MLXIPL: variants seen among roughly 807,000 people sequenced by gnomAD.
The protein encoded by MLXIPL is MLX interacting protein like.
MLXIPL carries 49 observed loss-of-function variants against 81.5 expected under a neutral mutation model. The observed-to-expected ratio is 0.60, with a 90% CI of 0.48 to 0.76. MLXIPL has a LOEUF of 0.76. Among genes scored for constraint, MLXIPL ranks in the 30% least tolerant of loss-of-function variants. The pLI is 0.00. For missense variants in MLXIPL, 1,053 were observed against 1,167.0 expected (o/e 0.90, Z 1.42); for synonymous variants, 466 against 485.5 (o/e 0.96, Z 0.53).
chr7:73,635,659 C>G, the MLXIPL span, among the ~76,000 whole-genome samples: 1 of 151,774 alleles, frequency 6.6e-6, no homozygotes, highest in Admixed American at 6.6e-5. Flanking sequence ...TCCATCTCTT[C>G]TATCTATCCA....
upstream of MLXIPL, among the ~76,000 whole-genome samples, chr7:73,627,976 T>G (rs201263620): frequency 1.6e-5 from 2 of 121,724 alleles, no homozygotes; most frequent in African/African-American, 2.8e-5. Flanking sequence ...CTCAGTGCTT[T>G]CTTTCTTTCT....
the MLXIPL span, among the ~76,000 whole-genome samples, chr7:73,631,031 C>T: frequency 2.0e-3 from 292 of 148,376 alleles, 1 homozygote; most frequent in East Asian, 0.021. Flanking sequence ...TTTTTTGAGA[C>T]GGAGTCTTGC....
At chr7:73,643,769 C>G in the MLXIPL span, among the ~76,000 whole-genome samples, 2 of 152,058 alleles carry the variant, frequency 1.3e-5, no homozygotes, top group Non-Finnish European at 2.9e-5. Flanking sequence ...ATAGTAGACA[C>G]TTTATTTTAT....
At chr7:73,624,530 G>T (rs1319479260), upstream of MLXIPL, 3 of 1,503,430 alleles carry the variant, frequency 2.0e-6, no homozygotes, top group African/African-American at 1.4e-5. Flanking sequence ...CCTGCTCCGC[G>T]CAGCGCGGGG....
chr7:73,641,309 G>T, the MLXIPL span, among the ~76,000 whole-genome samples: 1 of 152,080 alleles, frequency 6.6e-6, no homozygotes, highest in Admixed American at 6.6e-5. Flanking sequence ...GGCTCACTGG[G>T]GACCCATGGA....
chr7:73,605,466 C>T lies in MLXIPL; in HGVS notation c.901+222G>A, dbSNP rs150938264. Among the ~76,000 whole-genome samples the T allele has an allele frequency of 4.6e-5, 7 of 152,136 alleles. No homozygotes were observed. The East Asian group carries it at 9.7e-4, about 21-fold the overall frequency. ...GTCCCAGCTACTCAGGAGGCTGAGG[C>T]GGGAGGATCACTTGAGTCTGGAGGG... On this transcript the variant is annotated intron_variant, in intron 7 of 16. Coordinates refer to ENST00000313375, the MANE Select transcript of MLXIPL (RefSeq NM_032951.3).
chr7:73,611,821 A>AAAAAAT (rs1563501530), intron 2 of MLXIPL, among the ~76,000 whole-genome samples: 1 of 151,926 alleles, frequency 6.6e-6, no homozygotes, highest in East Asian at 1.9e-4. Context: ...CTCAAAAAAA[A>AAAAAAT]AAAAATAAAA....
chr7:73,616,624 G>A (rs1554600827), intron 1 of MLXIPL, among the ~76,000 whole-genome samples: 3 of 152,102 alleles, frequency 2.0e-5, no homozygotes, highest in Non-Finnish European at 4.4e-5. Flanking sequence ...AAGGCGGGTG[G>A]ATCGCCTGAG....
chr7:73,593,961 C>A lies in MLXIPL; in HGVS notation c.2463G>T (p.Gln821His). ...LRPTVLNSLR[Q>H]LGTSTSILTD... is the part of the protein sequence containing the mutation. ...TCAGGATACTGGTAGATGTGCCCAG[C>A]TGGCGTAGGGAGTTCAGGACAGCTG... The change falls in exon 17 of 17, where the codon CAG (glutamine) becomes CAT (histidine). Residue 821 changes from glutamine (Q) to histidine (H), a missense_variant. Transcript: ENST00000313375. 2 of 1,614,078 alleles carry A rather than the reference C, an allele frequency of 1.2e-6. No homozygotes were observed. The highest frequency in any genetic ancestry group is 1.7e-6 in the Non-Finnish European group (2 of 1,180,014).
chr7:73,624,884 C>T (rs1796644130), upstream of MLXIPL, among the ~76,000 whole-genome samples: 1 of 151,970 alleles, frequency 6.6e-6, no homozygotes, highest in Non-Finnish European at 1.5e-5. Context: ...ATGGCAAGAC[C>T]CCCATCTCTA....
At chr7:73,606,843 G>A (rs1795320185) in intron 5 of MLXIPL, 131 bp downstream of exon 5, 2 of 1,016,700 alleles carry the variant, frequency 2.0e-6, no homozygotes, top group South Asian at 2.8e-5. Flanking sequence ...CAGGATGGCA[G>A]TAACATCCCA....
the MLXIPL span, among the ~76,000 whole-genome samples, chr7:73,630,916 G>A: frequency 6.6e-6 from 1 of 152,276 alleles, no homozygotes; most frequent in African/African-American, 2.4e-5. Context: ...ATTCGTGGCA[G>A]CACTGATCTT....
At chr7:73,647,530 A>G in the MLXIPL span, among the ~76,000 whole-genome samples, 1 of 152,178 alleles carries the variant, frequency 6.6e-6, no homozygotes, top group South Asian at 2.1e-4. Context: ...ACCTTCTAGC[A>G]GGATGAATTC....
At chr7:73,630,408 T>G in the MLXIPL span, among the ~76,000 whole-genome samples, 1 of 145,802 alleles carries the variant, frequency 6.9e-6, no homozygotes, top group Non-Finnish European at 1.5e-5. Context: ...TCCTCCCACC[T>G]AAACCTCCCG....
intron 7 of MLXIPL, among the ~76,000 whole-genome samples, chr7:73,602,070 A>ACCTGCCTGCCTGCCTT (rs1554596449): frequency 1.1e-5 from 1 of 87,242 alleles, no homozygotes; most frequent in African/African-American, 3.9e-5. Context: ...CTTGCTGTCC[A>ACCTGCCTGCCTGCCTT]CCTGCCTGCC....
At position 73,596,999 on chromosome 7, in the gene MLXIPL, C is replaced by T; in HGVS notation, c.1604-67G>A. The stretch of plus-strand genomic sequence containing the variant: ...CCCCCGGCATCTATCAAGACCCCAT[C>T]CTGCCCCTCCCAAGAGTCCACACCC... On this transcript the variant is annotated intron_variant, in intron 9 of 16. Coordinates refer to ENST00000313375, the MANE Select transcript of MLXIPL (RefSeq NM_032951.3). The surrounding 1 kb of genome is among the most constrained non-coding windows in gnomAD (Gnocchi z 4.7). The T allele has an allele frequency of 6.4e-7, 1 of 1,551,678 alleles. No individual in the cohort carries two copies. The highest frequency in any genetic ancestry group is 1.4e-5 in the African/African-American group (1 of 74,002).
At chr7:73,598,057 A>G (rs1584081169) in intron 8 of MLXIPL, among the ~76,000 whole-genome samples, 1 of 151,776 alleles carries the variant, frequency 6.6e-6, no homozygotes, top group South Asian at 2.1e-4. Flanking sequence ...TCACCCATCC[A>G]TTCATCATCC....
At position 73,624,285 on chromosome 7, in the gene MLXIPL, C is replaced by G; in HGVS notation, c.208G>C (p.Gly70Arg). Reference protein sequence around the residue: ...DSLPRRRDQEGSVGPSDFGPR... With the variant: ...DSLPRRRDQERSVGPSDFGPR... ...CCGAAGTCGGAGGGCCCCACGGACC[C>G]CTCCTGGTCGCGCCGCCGGGGCAGC... Residue 70 changes from glycine (G) to arginine (R), a missense_variant, in exon 1 of 17, where the codon GGG becomes CGG. Coordinates refer to ENST00000313375, the MANE Select transcript of MLXIPL (RefSeq NM_032951.3). 6.3e-7 allele frequency: 1 copy of G among 1,588,054 alleles called. No homozygotes were observed. Among genetic ancestry groups the G allele is most frequent in the Non-Finnish European group, 8.6e-7 (1 of 1,168,924 alleles).
chr7:73,603,550 G>T (rs943963843), intron 7 of MLXIPL, among the ~76,000 whole-genome samples: 11 of 152,110 alleles, frequency 7.2e-5, no homozygotes, highest in African/African-American at 2.4e-4. Context: ...CCTAGTTCCC[G>T]CCCCATAGGC....
Sources: gnomAD v4.1 joint callset for allele counts (sites outside exome capture counted in the v4.1 genomes callset) on GRCh38, gnomAD v4.1.1 for gene constraint, Gnocchi (gnomAD v3.1) non-coding constraint, MANE v1.5 for transcripts, NCBI Gene and HGNC (gene_info 2026-07-23, HGNC 2026-07-21) for gene names.